Variants in RAB11FIP3 observed in about 807,000 individuals in gnomAD.
The protein encoded by RAB11FIP3 is rab11 family-interacting protein 3.
In RAB11FIP3, 17 loss-of-function variants were observed where a neutral mutation model predicts 77.8. The ratio of observed to expected loss-of-function variants is 0.22; its 90% CI spans 0.15 to 0.33. RAB11FIP3 has a LOEUF of 0.33. RAB11FIP3 is among the 10% of genes least tolerant of loss of function. The probability of loss-of-function intolerance (pLI) is 1.00; values close to 1 mark genes in which losing one functional copy is unlikely to be tolerated. For synonymous variants in RAB11FIP3, 437 were observed against 448.2 expected (o/e 0.98, Z 0.31); for missense variants, 1,005 against 1,011.2 (o/e 0.99, Z 0.08).
In RAB11FIP3 at chr16:476,979, C is replaced by T. The variant is rs189178414; in HGVS notation, c.904-5546C>T. ...TGGCGTGTGCCTGTAATCTCAGCTA[C>T]TCAGGAGGCTGAGGCAGAATCACTT... On this transcript the variant is annotated intron_variant, in intron 3 of 13. Transcript: ENST00000262305. 8.6e-5 allele frequency among the ~76,000 whole-genome samples: 13 copies of T among 150,920 alleles called. No individual in the cohort carries two copies. In the East Asian group the frequency reaches 2.4e-3, roughly 27 times the overall value.
At chr16:489,183 C>T (rs1239259312) in intron 5 of RAB11FIP3, 183 bp downstream of exon 5, 5 of 737,396 alleles carry the variant, frequency 6.8e-6, no homozygotes, top group Non-Finnish European at 1.1e-5. Context: ...GGGAGAAGTC[C>T]CTCTTCTCCA....
At chr16:512,532 G>A (rs963005938) in intron 9 of RAB11FIP3, among the ~76,000 whole-genome samples, 12 of 136,076 alleles carry the variant, frequency 8.8e-5, no homozygotes, top group Admixed American at 5.4e-4. Context: ...GAGCCATCGC[G>A]CCCGGCCTTT....
At chr16:492,084 C>T (rs937019230) in intron 5 of RAB11FIP3, among the ~76,000 whole-genome samples, 3 of 152,226 alleles carry the variant, frequency 2.0e-5, no homozygotes, top group African/African-American at 7.2e-5. Context: ...TTGAGCCTGC[C>T]CTGTCCCTGC....
chr16:447,687 G>A (rs1275182821), intron 1 of RAB11FIP3, among the ~76,000 whole-genome samples: 1 of 152,106 alleles, frequency 6.6e-6, no homozygotes, highest in Non-Finnish European at 1.5e-5. Context: ...GCAGTGAGCC[G>A]AGATCGCGCC....
Position 520,932 on chromosome 16 carries a change from C to A in RAB11FIP3, c.*93C>A. The A allele has an allele frequency of 1.9e-6, 2 of 1,036,432 alleles. No individual in the cohort carries two copies. Among genetic ancestry groups the A allele is most frequent in the Non-Finnish European group, 3.0e-6 (2 of 666,308 alleles). The allele number at this position is 1,036,432 out of a possible 1,614,324, so 64.2% of individuals were successfully genotyped here. On this transcript the variant is annotated 3_prime_UTR_variant, in exon 14 of 14. Coordinates refer to ENST00000262305, the MANE Select transcript of RAB11FIP3 (RefSeq NM_014700.4). ...GAGGAGCCAAGACCAGCAGGTCCCA[C>A]AGCCGACAGTGCCCAGAGCATGCAG...
chr16:425,962 TTGTC>T lies in RAB11FIP3; in HGVS notation c.-42_-39del, dbSNP rs2054931485. The T allele has an allele frequency of 2.7e-6, 2 of 754,194 alleles. No homozygotes were observed. Among genetic ancestry groups the T allele is most frequent in the Non-Finnish European group, 3.0e-6 (2 of 662,420 alleles). 46.7% of individuals were successfully genotyped at this position (754,194 alleles called of 1,614,324 possible). A position where few individuals can be genotyped will look rare whatever the true frequency, so the allele number is the denominator to read the frequency against. On this transcript the variant is annotated 5_prime_UTR_variant, in exon 1 of 14. The change creates a premature stop within an existing upstream ORF in the 5' untranslated region. Coordinates refer to ENST00000262305, the MANE Select transcript of RAB11FIP3 (RefSeq NM_014700.4). Reference sequence around the variant, plus strand: ...GCCCGCCGCCGCGCCCTGAGCGCCTTTGTCTGCCGCCCGCGCCCTTCCGCACCAC... The same window carrying T: ...GCCCGCCGCCGCGCCCTGAGCGCCTTTGCCGCCCGCGCCCTTCCGCACCAC...
chr16:449,754 C>T (rs2055376912), intron 1 of RAB11FIP3, among the ~76,000 whole-genome samples: 1 of 151,892 alleles, frequency 6.6e-6, no homozygotes, highest in Non-Finnish European at 1.5e-5. Context: ...GAGTTTGAGA[C>T]CCGCCTGGCC....
intron 3 of RAB11FIP3, among the ~76,000 whole-genome samples, chr16:476,758 C>CA (rs1567379524): frequency 7.2e-6 from 1 of 138,042 alleles, no homozygotes; most frequent in Non-Finnish European, 1.5e-5. Context: ...GCCTGGGCGA[C>CA]AGAGCAAGAC....
At chr16:455,330 C>T (rs1350789390) in intron 1 of RAB11FIP3, among the ~76,000 whole-genome samples, 6 of 150,486 alleles carry the variant, frequency 4.0e-5, no homozygotes, top group East Asian at 2.0e-4. Flanking sequence ...AAAAATCAGC[C>T]GGGCGTGGTG....
At chr16:470,899 G>C (rs183123605) in intron 2 of RAB11FIP3, among the ~76,000 whole-genome samples, 37 of 151,314 alleles carry the variant, frequency 2.4e-4, no homozygotes, top group Non-Finnish European at 4.6e-4. Flanking sequence ...TCATGTAAAT[G>C]TTTTTAAAGG....
Position 460,096 on chromosome 16 carries a change from G to C in RAB11FIP3, c.715-1308G>C, listed in dbSNP as rs138286140. On this transcript the variant is annotated intron_variant, in intron 1 of 13. Transcript: ENST00000262305. ...TTCTCCACGTTGGTCAGGATGATCT[G>C]GAACTCCCAGCCTCAGGTGATCCAC... 6.0e-3 allele frequency among the ~76,000 whole-genome samples: 917 copies of C among 152,032 alleles called. 10 individuals carry two copies. The highest frequency in any genetic ancestry group is 0.021 in the African/African-American group (871 of 41,432).
At chr16:492,136 C>T (rs1389170600) in intron 5 of RAB11FIP3, among the ~76,000 whole-genome samples, 3 of 152,238 alleles carry the variant, frequency 2.0e-5, no homozygotes, top group African/African-American at 7.2e-5. Flanking sequence ...CTGGCGGGCG[C>T]TCACTGCCCA....
At position 426,493 on chromosome 16, in the gene RAB11FIP3, CCCTT is replaced by C. The variant is rs2054945728; in HGVS notation, c.490_493del (p.Phe164ProfsTer75). On this transcript the variant is annotated frameshift_variant, in exon 1 of 14. Transcript: ENST00000262305. LOFTEE classifies it high-confidence loss of function. The surrounding 1 kb of genome is among the most constrained non-coding windows in gnomAD (Gnocchi z 5.0). ...GCGGGGCGAGGTCGACGTCTTCTCT[CCCTT>C]CCCCGCGCCCACGGCGGGCGAGCTG... is the stretch of plus-strand genomic sequence containing the variant. 1 of 1,580,164 alleles carries C rather than the reference CCCTT, an allele frequency of 6.3e-7. No homozygotes were observed. Among genetic ancestry groups the C allele is most frequent in the Admixed American group, 1.8e-5 (1 of 54,538 alleles).
rs545471727 is a variant in RAB11FIP3, at chr16:496,294, A to G, written c.1266-530A>G. On this transcript the variant is annotated intron_variant, in intron 5 of 13. Coordinates refer to ENST00000262305, the MANE Select transcript of RAB11FIP3 (RefSeq NM_014700.4). ...CCCATGTGCCACTGCAGATGGTTAA[A>G]TCAGACAGCTGATGTATAATTGGCT... Among the ~76,000 whole-genome samples the G allele has an allele frequency of 7.9e-5, 12 of 152,336 alleles. No individual in the cohort carries two copies. The East Asian group carries it at 2.3e-3, about 29-fold the overall frequency.
chr16:445,113 CAAAAAAAAAA>C (rs56706849), intron 1 of RAB11FIP3, among the ~76,000 whole-genome samples: 1 of 70,832 alleles, frequency 1.4e-5, no homozygotes, highest in Non-Finnish European at 2.4e-5. Context: ...GACTCTGTCT[CAAAAAAAAAA>C]AAAAAAAAGA....
intron 10 of RAB11FIP3, 108 bp downstream of exon 10, chr16:519,132 T>C: frequency 2.4e-6 from 3 of 1,227,572 alleles, no homozygotes; most frequent in Admixed American, 1.8e-5. Context: ...TACTGTGCTG[T>C]GTGTGAGGGA....
intron 8 of RAB11FIP3, chr16:510,442 G>A (rs533733935): frequency 2.0e-5 from 11 of 551,350 alleles, no homozygotes; most frequent in African/African-American, 3.8e-5. Context: ...ACACTGCTCC[G>A]GCCACCCCAG....
intron 2 of RAB11FIP3, among the ~76,000 whole-genome samples, chr16:464,293 A>G (rs2055666458): frequency 6.6e-6 from 1 of 152,146 alleles, no homozygotes; most frequent in Non-Finnish European, 1.5e-5. Flanking sequence ...ATAAGCTGCA[A>G]CCCTTAAGTA....
At chr16:510,829 C>T in intron 9 of RAB11FIP3, 29 bp downstream of exon 9, 2 of 1,608,598 alleles carry the variant, frequency 1.2e-6, no homozygotes, top group Non-Finnish European at 1.7e-6. Flanking sequence ...CCCATCCACC[C>T]CAGAACCTGC....
Sources: allele counts gnomAD v4.1 joint callset (sites outside exome capture counted in the v4.1 genomes callset), GRCh38; gene constraint gnomAD v4.1.1; non-coding constraint Gnocchi (gnomAD v3.1); transcripts MANE v1.5; gene names NCBI Gene and HGNC (gene_info 2026-07-23, HGNC 2026-07-21).